Variants in FILIP1L observed in about 807,000 individuals in gnomAD.
FILIP1L encodes the protein filamin A interacting protein 1 like.
Under a neutral mutation model 96.6 loss-of-function variants are expected in FILIP1L, and 55 were observed. That is an observed-to-expected ratio of 0.57 (90% CI 0.46 to 0.71). The LOEUF (loss-of-function observed/expected upper bound fraction) is 0.71, where lower values mean the gene tolerates loss of function less well. Among genes scored for constraint, FILIP1L ranks in the 30% least tolerant of loss-of-function variants. The pLI is 0.00. For missense variants in FILIP1L, 1,304 were observed against 1,321.2 expected, an observed-to-expected ratio of 0.99 and a Z score of 0.20; for synonymous variants, 467 against 473.9, an observed-to-expected ratio of 0.99 and a Z score of 0.19.
At chr3:99,937,093 A>G (rs1015535062) in intron 1 of FILIP1L, among the ~76,000 whole-genome samples, 2 of 152,116 alleles carry the variant, frequency 1.3e-5, no homozygotes, top group East Asian at 1.9e-4. Flanking sequence ...GCCTGCCATC[A>G]TGTGGCTAAT....
chr3:100,102,629 C>T (rs2066329288), intron 1 of FILIP1L, among the ~76,000 whole-genome samples: 1 of 152,162 alleles, frequency 6.6e-6, no homozygotes, highest in African/African-American at 2.4e-5. Context: ...AAGGCAAGGA[C>T]AATGCCAAGC....
At chr3:99,889,577 A>G (rs1186892512) in intron 4 of FILIP1L, among the ~76,000 whole-genome samples, 1 of 152,016 alleles carries the variant, frequency 6.6e-6, no homozygotes, top group African/African-American at 2.4e-5. Flanking sequence ...CTATGTTTAT[A>G]GTAATTATTT....
chr3:99,869,276 T>C (rs966074877), intron 4 of FILIP1L, among the ~76,000 whole-genome samples: 1 of 152,286 alleles, frequency 6.6e-6, no homozygotes, highest in Admixed American at 6.5e-5. Flanking sequence ...GCATCTGTGT[T>C]CAGCCTAATG....
At chr3:100,017,495 C>CA in intron 1 of FILIP1L, among the ~76,000 whole-genome samples, 1 of 152,338 alleles carries the variant, frequency 6.6e-6, no homozygotes, top group East Asian at 1.9e-4. Context: ...TGGCACCTAC[C>CA]AAATGAGAGT....
intron 4 of FILIP1L, among the ~76,000 whole-genome samples, chr3:99,914,425 A>G (rs1165825830): frequency 6.6e-6 from 1 of 152,182 alleles, no homozygotes; most frequent in East Asian, 1.9e-4. Flanking sequence ...TGTGTTTTTG[A>G]TATGTTAGAT....
chr3:100,000,930 T>G, intron 1 of FILIP1L, among the ~76,000 whole-genome samples: 1 of 152,334 alleles, frequency 6.6e-6, no homozygotes, highest in South Asian at 2.1e-4. Context: ...GCAAGACACT[T>G]GTAAGAGTAG....
At chr3:100,024,991 C>T (rs2064892296) in intron 1 of FILIP1L, among the ~76,000 whole-genome samples, 1 of 152,138 alleles carries the variant, frequency 6.6e-6, no homozygotes, top group South Asian at 2.1e-4. Context: ...TGATTTATTA[C>T]CACAAAATAT....
chr3:99,897,318 G>A (rs1481154967), intron 4 of FILIP1L, among the ~76,000 whole-genome samples: 3 of 151,910 alleles, frequency 2.0e-5, no homozygotes, highest in African/African-American at 7.2e-5. Flanking sequence ...GCAGGGAGCC[G>A]AGATTGCACC....
At chr3:99,988,359 A>C (rs1250863801) in intron 1 of FILIP1L, among the ~76,000 whole-genome samples, 30 of 150,180 alleles carry the variant, frequency 2.0e-4, no homozygotes, top group Non-Finnish European at 4.2e-4. Context: ...AAAAAAAAAA[A>C]AAAATTAGCC....
intron 1 of FILIP1L, among the ~76,000 whole-genome samples, chr3:100,097,052 G>A (rs1448618395): frequency 2.0e-5 from 3 of 152,186 alleles, no homozygotes; most frequent in Admixed American, 1.3e-4. Flanking sequence ...CAGGAGGTGA[G>A]CAGCAGGCAA....
chr3:99,846,838 A>C (rs944999028), intron 5 of FILIP1L, among the ~76,000 whole-genome samples: 32 of 152,234 alleles, frequency 2.1e-4, no homozygotes, highest in African/African-American at 7.5e-4. Flanking sequence ...ACTGGCAATA[A>C]AATTAACCAC....
chr3:99,947,764 T>C (rs886886363), intron 1 of FILIP1L, among the ~76,000 whole-genome samples: 15 of 152,248 alleles, frequency 9.9e-5, no homozygotes, highest in Non-Finnish European at 2.1e-4. Context: ...GCATGTATAC[T>C]GCTGGGGTAG....
intron 1 of FILIP1L, among the ~76,000 whole-genome samples, chr3:100,112,747 G>A (rs896011531): frequency 6.6e-6 from 1 of 152,144 alleles, no homozygotes; most frequent in African/African-American, 2.4e-5. Flanking sequence ...TAATTACCCA[G>A]GTGGAAAGAG....
rs376328766 is a variant in FILIP1L at position 99,850,918 on chromosome 3, A to G, written c.758T>C (p.Leu253Pro). ...TTGGATTTTCTGTCTTTGAAGGGTG[A>G]GCTGTGCCGTCAGCCTTTGCTGTTC... Reference protein sequence around the residue: ...VDEQQRLTAQLTLQRQKIQEL... With the variant: ...VDEQQRLTAQPTLQRQKIQEL... Residue 253 changes from leucine (L) to proline (P), a missense_variant, in exon 5 of 6, where the codon CTC becomes CCC. Leu to Pro is a moderately conservative substitution (Grantham distance 98). Transcript: ENST00000477258. The G allele has an allele frequency of 1.1e-5, 18 of 1,613,990 alleles. No homozygotes were observed. Among genetic ancestry groups the G allele is most frequent in the Non-Finnish European group, 1.4e-5 (17 of 1,180,020 alleles).
intron 1 of FILIP1L, among the ~76,000 whole-genome samples, chr3:99,978,803 T>C (rs1286926855): frequency 6.6e-6 from 1 of 152,056 alleles, no homozygotes; most frequent in Non-Finnish European, 1.5e-5. Flanking sequence ...GAGAGTCACT[T>C]GAACCCAGGA....
chr3:99,982,769 C>T (rs1373765726), intron 1 of FILIP1L, among the ~76,000 whole-genome samples: 5 of 152,164 alleles, frequency 3.3e-5, no homozygotes, highest in Non-Finnish European at 7.3e-5. Flanking sequence ...AATGATCCTT[C>T]CTCATTTTTC....
intron 4 of FILIP1L, among the ~76,000 whole-genome samples, chr3:99,883,034 C>A (rs894277549): frequency 1.2e-5 from 1 of 83,376 alleles, no homozygotes; most frequent in Non-Finnish European, 3.2e-5. Flanking sequence ...ATGAGAAATT[C>A]TATTATAATT....
At position 99,969,776 on chromosome 3, in the gene FILIP1L, G is replaced by A. The variant is rs545550826; in HGVS notation, c.-10-38746C>T. On this transcript the variant is annotated intron_variant, in intron 1 of 5. Coordinates refer to ENST00000477258, the MANE Select transcript of FILIP1L (RefSeq NM_001387850.1). The stretch of plus-strand genomic sequence containing the variant: ...ATCTGTGACCATGGAGATGAAGAAG[G>A]TGAGGAATTTATAGTTTATTGGATG... Among the ~76,000 whole-genome samples the A allele has an allele frequency of 3.3e-5, 5 of 152,260 alleles. No individual in the cohort carries two copies. The East Asian group carries it at 9.6e-4, about 29-fold the overall frequency.
chr3:100,079,781 T>C (rs1221868189), intron 1 of FILIP1L, among the ~76,000 whole-genome samples: 1 of 152,130 alleles, frequency 6.6e-6, no homozygotes, highest in Non-Finnish European at 1.5e-5. Context: ...ACTACCGTTT[T>C]ACAATTTCTA....
Sources: allele counts gnomAD v4.1 joint callset (sites outside exome capture counted in the v4.1 genomes callset), GRCh38; gene constraint gnomAD v4.1.1; transcripts MANE v1.5; gene names NCBI Gene and HGNC (gene_info 2026-07-23, HGNC 2026-07-21).